Variants in MTMR8 observed in about 807,000 individuals in gnomAD.
MTMR8 encodes the protein myotubularin related protein 8.
A neutral mutation model predicts 39.3 loss-of-function variants in MTMR8; 65 were observed. The observed-to-expected ratio is 1.65, with a 90% CI of 1.35 to 2.03. The LOEUF is 2.03. MTMR8 is among the 30% of genes most tolerant of loss of function. The pLI is 0.00. For synonymous variants in MTMR8, 245 were observed against 185.2 expected, an observed-to-expected ratio of 1.32 and a Z score of -2.62; for missense variants, 777 against 538.9, an observed-to-expected ratio of 1.44 and a Z score of -4.37.
chrX:64,295,259 C>A (rs1456188199), intron 12 of MTMR8, among the ~76,000 whole-genome samples: 5 of 111,017 alleles, frequency 4.5e-5, no homozygotes, highest in Admixed American at 9.6e-5. Flanking sequence ...CACACACACA[C>A]ACAAAATTGT....
chrX:64,351,041 A>G (rs1213023661), intron 4 of MTMR8, among the ~76,000 whole-genome samples: 1 of 111,863 alleles, frequency 8.9e-6, no homozygotes, highest in Non-Finnish European at 1.9e-5. Flanking sequence ...GACCATTTGA[A>G]AATGTTTTCT....
chrX:64,358,843 GCACA>G lies in MTMR8; in HGVS notation c.147+558_147+561del, dbSNP rs762422321. On this transcript the variant is annotated intron_variant, in intron 2 of 13. Transcript: ENST00000374852. ...GAAACACATACACATGCCCGTGCAT[GCACA>G]CACACACACACACACACACACACAC... 7.0e-3 allele frequency among the ~76,000 whole-genome samples: 634 copies of G among 91,115 alleles called. 5 individuals are homozygous for G. The highest frequency in any genetic ancestry group is 0.042 in the South Asian group (82 of 1,965). 79.1% of individuals were successfully genotyped at this position (91,115 alleles called of 115,157 possible). A position where few individuals can be genotyped will look rare whatever the true frequency, so the allele number is the denominator to read the frequency against.
chrX:64,278,459 GGTTT>G (rs1163629534), intron 12 of MTMR8, among the ~76,000 whole-genome samples: 1,058 of 49,833 alleles, frequency 0.021, 346 homozygotes, highest in African/African-American at 0.12. Context: ...TTATTTTGCT[GGTTT>G]TTTTTTTTTT....
intron 12 of MTMR8, among the ~76,000 whole-genome samples, chrX:64,299,790 C>T (rs1231126334): frequency 3.0e-5 from 3 of 100,566 alleles, no homozygotes; most frequent in Admixed American, 2.2e-4. Context: ...TCTTTGTTCT[C>T]GTTGGTTTCA....
chrX:64,391,711 C>T (rs1403900917), intron 1 of MTMR8, among the ~76,000 whole-genome samples: 1 of 112,221 alleles, frequency 8.9e-6, no homozygotes, highest in Non-Finnish European at 1.9e-5. Flanking sequence ...TTTACAGATA[C>T]TAACTTATTT....
intron 12 of MTMR8, among the ~76,000 whole-genome samples, chrX:64,327,332 T>C (rs1347784426): frequency 2.7e-5 from 3 of 111,533 alleles, no homozygotes; most frequent in South Asian, 3.7e-4. Context: ...CTCAACTAAA[T>C]AGCAAAGCAA....
chrX:64,383,424 T>C (rs374324499), intron 1 of MTMR8, among the ~76,000 whole-genome samples: 1 of 109,037 alleles, frequency 9.2e-6, no homozygotes, highest in African/African-American at 3.3e-5. Context: ...ATATGATATA[T>C]AAAACCAAAA....
chrX:64,302,672 G>A (rs1921938854), intron 12 of MTMR8, among the ~76,000 whole-genome samples: 1 of 112,627 alleles, frequency 8.9e-6, no homozygotes, highest in South Asian at 3.6e-4. Flanking sequence ...ATCTGAAAAT[G>A]TTACACAGCC....
intron 1 of MTMR8, among the ~76,000 whole-genome samples, chrX:64,370,007 A>C (rs1924086303): frequency 9.0e-6 from 1 of 111,572 alleles, no homozygotes; most frequent in African/African-American, 3.3e-5. Flanking sequence ...TCTAATACAA[A>C]TCACATTAAT....
intron 12 of MTMR8, among the ~76,000 whole-genome samples, chrX:64,320,710 G>C (rs1436727746): frequency 9.0e-6 from 1 of 110,844 alleles, no homozygotes; most frequent in African/African-American, 3.3e-5. Context: ...GCAAATATCA[G>C]GGAATGTAGG....
At position 64,354,772 on chromosome X, in the gene MTMR8, A is replaced by G. The variant is rs770742863; in HGVS notation, c.468+5T>C. 1 of 1,170,199 alleles carries G rather than the reference A, an allele frequency of 8.5e-7. No homozygotes were observed. Among genetic ancestry groups the G allele is most frequent in the Non-Finnish European group, 1.1e-6 (1 of 876,197 alleles). ...CCAAAAGGCAAACAACAAGGACAAAATTACCTCATAGTTTCTGTTGGCATC... is the reference window on the plus strand; with the variant it reads ...CCAAAAGGCAAACAACAAGGACAAAGTTACCTCATAGTTTCTGTTGGCATC... On this transcript the variant is annotated splice_donor_5th_base_variant and intron_variant, in intron 4 of 13. Transcript: ENST00000374852.
chrX:64,279,606 G>GT (rs746936489), intron 12 of MTMR8, among the ~76,000 whole-genome samples: 3 of 111,593 alleles, frequency 2.7e-5, no homozygotes, highest in Non-Finnish European at 5.6e-5. Context: ...TCACAATGGT[G>GT]TTTTTTTACA....
chrX:64,308,726 G>A (rs762014162), intron 12 of MTMR8, among the ~76,000 whole-genome samples: 1 of 111,456 alleles, frequency 9.0e-6, no homozygotes, highest in Non-Finnish European at 1.9e-5. Context: ...ATAGTTTTGT[G>A]TTTTATGTTT....
intron 12 of MTMR8, among the ~76,000 whole-genome samples, chrX:64,284,675 T>A (rs1235249033): frequency 9.0e-6 from 1 of 111,645 alleles, no homozygotes; most frequent in East Asian, 2.8e-4. Context: ...ATATTCAACA[T>A]TCTTAAAGAA....
intron 12 of MTMR8, among the ~76,000 whole-genome samples, chrX:64,282,161 G>A (rs952001495): frequency 9.0e-6 from 1 of 111,603 alleles, no homozygotes; most frequent in Non-Finnish European, 1.9e-5. Flanking sequence ...AGACAGGGTG[G>A]AGATTCCTCA....
At position 64,306,963 on chromosome X, in the gene MTMR8, G is replaced by T. The variant is rs144836116; in HGVS notation, c.1481+21809C>A. On this transcript the variant is annotated intron_variant, in intron 12 of 13. Coordinates refer to ENST00000374852, the MANE Select transcript of MTMR8 (RefSeq NM_017677.4). ...GAGCAGATCAGGTGGAGACAACTACGGGAGCGGAATGGCAGCAACGGTGGC... is the reference window on the plus strand; with the variant it reads ...GAGCAGATCAGGTGGAGACAACTACTGGAGCGGAATGGCAGCAACGGTGGC... Among the ~76,000 whole-genome samples, 5 of 111,955 alleles carry T rather than the reference G, an allele frequency of 4.5e-5. No individual in the cohort carries two copies. The East Asian group carries it at 1.4e-3, about 31-fold the overall frequency.
intron 12 of MTMR8, among the ~76,000 whole-genome samples, chrX:64,319,615 T>A (rs992444189): frequency 8.9e-6 from 1 of 112,099 alleles, no homozygotes; most frequent in African/African-American, 3.2e-5. Context: ...TTCAGCTTTC[T>A]ACATATGGCT....
At chrX:64,277,883 T>C (rs1400685009) in intron 12 of MTMR8, among the ~76,000 whole-genome samples, 1 of 111,004 alleles carries the variant, frequency 9.0e-6, no homozygotes, top group Non-Finnish European at 1.9e-5. Context: ...GTAGGTTTGG[T>C]CCTTTCACAT....
intron 12 of MTMR8, chrX:64,306,321 G>A: frequency 3.4e-6 from 1 of 298,451 alleles, no homozygotes; most frequent in South Asian, 4.1e-5. Flanking sequence ...GGTTCTAGAT[G>A]CAGTGTTTGT....
Sources: allele counts gnomAD v4.1 joint callset (sites outside exome capture counted in the v4.1 genomes callset), GRCh38; gene constraint gnomAD v4.1.1; transcripts MANE v1.5; gene names NCBI Gene and HGNC (gene_info 2026-07-23, HGNC 2026-07-21).